The following PCDHGB7 variants were observed in gnomAD, a reference collection of about 807,000 sequenced individuals.
The protein encoded by PCDHGB7 is protocadherin gamma subfamily B, 7, also known as protocadherin gamma-B7.
Under a neutral mutation model 61.4 loss-of-function variants are expected in PCDHGB7, and 37 were observed. The observed-to-expected ratio is 0.60, with a 90% CI of 0.46 to 0.79. The LOEUF (loss-of-function observed/expected upper bound fraction) is 0.79, where lower values mean the gene tolerates loss of function less well. PCDHGB7 is among the 30% of genes least tolerant of loss of function. The pLI, the probability that PCDHGB7 is intolerant of heterozygous loss-of-function variation, is 0.00. For synonymous variants in PCDHGB7, 464 were observed against 503.5 expected (o/e 0.92, Z 1.05); for missense variants, 1,166 against 1,202.5 (o/e 0.97, Z 0.45).
At position 141,494,841 on chromosome 5, in the gene PCDHGB7, A is replaced by G. The variant is rs1163193977; in HGVS notation, c.2450A>G (p.Gln817Arg). ...APPNTDWRFS[Q>R]AQRPGTSGSQ... ...CCCAACACGGACTGGCGTTTCTCTC[A>G]GGCCCAGAGACCCGGCACCAGCGGG... The change falls in exon 2 of 4, where the codon CAG (glutamine) becomes CGG (arginine). Residue 817 changes from glutamine to arginine, a missense_variant. Gln to Arg is a conservative substitution (Grantham distance 43). Coordinates refer to ENST00000398594, the MANE Select transcript of PCDHGB7 (RefSeq NM_018927.4). 1 of 1,613,996 alleles carries G rather than the reference A, an allele frequency of 6.2e-7. No homozygotes were observed. The highest frequency in any genetic ancestry group is 1.1e-5 in the South Asian group (1 of 91,074).
Position 141,432,326 on chromosome 5 carries a change from G to C in PCDHGB7, c.2415+12052G>C. The C allele has an allele frequency of 1.2e-6, 2 of 1,614,228 alleles. No individual in the cohort carries two copies. The highest frequency in any genetic ancestry group is 2.2e-5 in the East Asian group (1 of 44,890). On this transcript the variant is annotated intron_variant, in intron 1 of 3. Transcript: ENST00000398594. This position sits in a 1 kb window ranked among gnomAD's most constrained non-coding sequence, Gnocchi z 6.0. ...GTATGCGCTGAGCTCCTTCGACTAC[G>C]AGCAGTTCCGAGACTTGCAAGTGAA...
chr5:141,459,486 G>A (rs764885682), intron 1 of PCDHGB7, among the ~76,000 whole-genome samples: 8 of 152,154 alleles, frequency 5.3e-5, no homozygotes, highest in Admixed American at 3.9e-4. Context: ...GTGCTATTCT[G>A]AATTAAAGTG....
chr5:141,436,638 A>G (rs2097838155), intron 1 of PCDHGB7, among the ~76,000 whole-genome samples: 1 of 152,194 alleles, frequency 6.6e-6, no homozygotes, highest in Non-Finnish European at 1.5e-5. Flanking sequence ...ACATGCAATT[A>G]ATTAACAGTA....
At position 141,486,209 on chromosome 5, in the gene PCDHGB7, A is replaced by C. The variant is rs749965379; in HGVS notation, c.2416-8598A>C. On this transcript the variant is annotated intron_variant, in intron 1 of 3. Transcript: ENST00000398594. The surrounding 1 kb of genome is among the most constrained non-coding windows in gnomAD (Gnocchi z 5.0). ...AGTGGATCTGCTGGACGTAAATGAC[A>C]ATGCCCCTTACATCACAGTGACCTC... 1 of 1,614,080 alleles carries C rather than the reference A, an allele frequency of 6.2e-7. No homozygotes were observed. Among genetic ancestry groups the C allele is most frequent in the South Asian group, 1.1e-5 (1 of 91,078 alleles).
chr5:141,430,583 C>A, intron 1 of PCDHGB7: 1 of 490,378 alleles, frequency 2.0e-6, no homozygotes, highest in Non-Finnish European at 3.4e-6. Flanking sequence ...AGATCCTGCT[C>A]GCCTTGCACG....
intron 1 of PCDHGB7, chr5:141,421,183 A>G (rs1286755310): frequency 2.7e-6 from 4 of 1,457,360 alleles, no homozygotes; most frequent in Admixed American, 4.8e-5. Flanking sequence ...CCGATTCACA[A>G]CCAACCAGCT....
intron 1 of PCDHGB7, chr5:141,423,740 G>T: frequency 1.4e-6 from 1 of 698,992 alleles, no homozygotes; most frequent in Non-Finnish European, 1.8e-6. Flanking sequence ...AGCCTGTTAT[G>T]AAAACTGTTT....
intron 1 of PCDHGB7, chr5:141,478,553 T>G (rs1593930915): frequency 6.2e-7 from 1 of 1,602,704 alleles, no homozygotes; most frequent in Non-Finnish European, 8.5e-7. Context: ...ACAGGTAAGG[T>G]TTAGCAAGTC....
At chr5:141,421,306 T>C (rs1356157966) in intron 1 of PCDHGB7, 1 of 1,613,564 alleles carries the variant, frequency 6.2e-7, no homozygotes, top group South Asian at 1.1e-5. Context: ...GCTGCGGGGG[T>C]TCCGGGCCAG....
chr5:141,433,642 C>A (rs1457700205), intron 1 of PCDHGB7, among the ~76,000 whole-genome samples: 2 of 152,170 alleles, frequency 1.3e-5, no homozygotes, highest in South Asian at 2.1e-4. Context: ...TTGAGACCAG[C>A]CTGACCAACA....
rs1349189547 is a variant in PCDHGB7 at position 141,432,777 on chromosome 5, C to A, written c.2415+12503C>A. 1.2e-6 allele frequency: 2 copies of A among 1,614,154 alleles called. No individual in the cohort carries two copies. The highest frequency in any genetic ancestry group is 1.3e-5 in the African/African-American group (1 of 75,062). ...GCCGACAGCATCCCCCAAGTCCTGGCGGACCTCGGCAGCCTCGAGTCTCCA... is the reference window on the plus strand; with the variant it reads ...GCCGACAGCATCCCCCAAGTCCTGGAGGACCTCGGCAGCCTCGAGTCTCCA... On this transcript the variant is annotated intron_variant, in intron 1 of 3. Transcript: ENST00000398594. This position sits in a 1 kb window ranked among gnomAD's most constrained non-coding sequence, Gnocchi z 6.0.
chr5:141,467,602 A>G (rs981250164), intron 1 of PCDHGB7, among the ~76,000 whole-genome samples: 3 of 152,216 alleles, frequency 2.0e-5, no homozygotes, highest in Non-Finnish European at 4.4e-5. Flanking sequence ...TAAGCACTTC[A>G]TCTTTGTCCC....
intron 1 of PCDHGB7, among the ~76,000 whole-genome samples, chr5:141,457,612 G>T (rs1011626121): frequency 1.8e-4 from 27 of 152,232 alleles, no homozygotes; most frequent in Non-Finnish European, 2.9e-4. Flanking sequence ...AATTATGAAT[G>T]AACTTTAATC....
At chr5:141,473,343 T>G (rs1309426537) in intron 1 of PCDHGB7, among the ~76,000 whole-genome samples, 1 of 152,218 alleles carries the variant, frequency 6.6e-6, no homozygotes, top group African/African-American at 2.4e-5. Context: ...TGCTAGACAG[T>G]GAGGATGCAA....
rs35224477 is a variant in PCDHGB7, at chr5:141,464,263, TA to T, written c.2416-30530del. On this transcript the variant is annotated intron_variant, in intron 1 of 3. Coordinates refer to ENST00000398594, the MANE Select transcript of PCDHGB7 (RefSeq NM_018927.4). ...CTGGGCTACAGAGCGAGACTCCGTC[TA>T]AAAAAAAAAAAAAGCAAAAAAAAAA... Among the ~76,000 whole-genome samples, 390 of 103,506 alleles carry T rather than the reference TA, an allele frequency of 3.8e-3. 1 individual carries two copies. Among genetic ancestry groups the T allele is most frequent in the Admixed American group, 4.7e-3 (45 of 9,486 alleles). 67.9% of individuals were successfully genotyped at this position (103,506 alleles called of 152,430 possible). A position where few individuals can be genotyped will look rare whatever the true frequency, so the allele number is the denominator to read the frequency against.
At chr5:141,423,485 C>T (rs752918607) in intron 1 of PCDHGB7, 30 of 1,613,840 alleles carry the variant, frequency 1.9e-5, no homozygotes, top group Non-Finnish European at 2.2e-5. Context: ...TTCCTGCAAA[C>T]CTATTCCCAC....
At chr5:141,430,829 T>A (rs763916884) in intron 1 of PCDHGB7, 1 of 1,554,558 alleles carries the variant, frequency 6.4e-7, no homozygotes, top group Non-Finnish European at 8.7e-7. Context: ...GGGGACTCTG[T>A]GGGAGACCGG....
chr5:141,463,874 G>T (rs1311566242), intron 1 of PCDHGB7, among the ~76,000 whole-genome samples: 1 of 152,136 alleles, frequency 6.6e-6, no homozygotes, highest in Non-Finnish European at 1.5e-5. Flanking sequence ...TGACTGAAAG[G>T]AAAAGTTTTC....
In PCDHGB7 at chr5:141,487,000, G is replaced by A. The variant is rs1410493699; in HGVS notation, c.2416-7807G>A. On this transcript the variant is annotated intron_variant, in intron 1 of 3. Transcript: ENST00000398594. The surrounding 1 kb of genome is among the most constrained non-coding windows in gnomAD (Gnocchi z 5.0). ...GTTACAATGCTTGGGTTTCCTATCA[G>A]CTCCTGGAGGCCCCAGATCCCAGCC... The A allele has an allele frequency of 6.2e-7, 1 of 1,614,194 alleles. No homozygotes were observed. The highest frequency in any genetic ancestry group is 8.5e-7 in the Non-Finnish European group (1 of 1,180,036).
Sources: gnomAD v4.1 joint callset for allele counts (sites outside exome capture counted in the v4.1 genomes callset) on GRCh38, gnomAD v4.1.1 for gene constraint, Gnocchi (gnomAD v3.1) non-coding constraint, MANE v1.5 for transcripts, NCBI Gene and HGNC (gene_info 2026-07-23, HGNC 2026-07-21) for gene names.